The following KCND2 variants were observed in gnomAD, a reference collection of about 807,000 sequenced individuals.
The protein encoded by KCND2 is potassium voltage-gated channel subfamily D member 2, also known as A-type voltage-gated potassium channel KCND2.
Under a neutral mutation model 54.4 loss-of-function variants are expected in KCND2, and 16 were observed. The ratio of observed to expected loss-of-function variants is 0.29; its 90% CI spans 0.20 to 0.45. KCND2 has a LOEUF of 0.45. Ranked by LOEUF, KCND2 falls within the 20% of genes least tolerant of loss-of-function variation. The probability of loss-of-function intolerance (pLI) is 1.00; values close to 1 mark genes in which losing one functional copy is unlikely to be tolerated. For missense variants in KCND2, 486 were observed against 824.2 expected (o/e 0.59, Z 5.02); for synonymous variants, 317 against 310.7 (o/e 1.02, Z -0.21).
intron 1 of KCND2, among the ~76,000 whole-genome samples, chr7:120,306,340 C>G (rs1244579336): frequency 6.6e-6 from 1 of 151,902 alleles, no homozygotes; most frequent in Non-Finnish European, 1.5e-5. Flanking sequence ...TTCTTTAAAA[C>G]TGATATTTTT....
intron 1 of KCND2, among the ~76,000 whole-genome samples, chr7:120,464,568 T>A (rs896327679): frequency 1.3e-5 from 2 of 152,324 alleles, no homozygotes; most frequent in East Asian, 1.9e-4. Flanking sequence ...ATCCTCTACA[T>A]CAGAAGTCTG....
intron 1 of KCND2, among the ~76,000 whole-genome samples, chr7:120,568,595 A>G (rs1295430971): frequency 2.0e-5 from 3 of 152,178 alleles, no homozygotes; most frequent in African/African-American, 7.2e-5. Flanking sequence ...AAGTACAATT[A>G]ATAATCAGGA....
intron 1 of KCND2, among the ~76,000 whole-genome samples, chr7:120,334,381 A>C (rs1394295638): frequency 6.6e-6 from 1 of 152,204 alleles, no homozygotes; most frequent in African/African-American, 2.4e-5. Flanking sequence ...TTTTCCAAAA[A>C]TTTCAGTCTT....
intron 1 of KCND2, among the ~76,000 whole-genome samples, chr7:120,437,668 T>G (rs886436708): frequency 6.6e-6 from 1 of 152,206 alleles, no homozygotes; most frequent in African/African-American, 2.4e-5. Context: ...GCTAATGTAT[T>G]TATACATATG....
At chr7:120,381,281 T>C (rs2116026580) in intron 1 of KCND2, among the ~76,000 whole-genome samples, 1 of 152,080 alleles carries the variant, frequency 6.6e-6, no homozygotes, top group Non-Finnish European at 1.5e-5. Context: ...CAAATAAAGA[T>C]ATTTCTTACA....
At chr7:120,653,326 G>T (rs562405329) in intron 1 of KCND2, among the ~76,000 whole-genome samples, 6 of 151,694 alleles carry the variant, frequency 4.0e-5, no homozygotes, top group Non-Finnish European at 8.8e-5. Context: ...AATTATAGAT[G>T]CAGGCCACCA....
At chr7:120,291,686 A>G (rs1799437739) in intron 1 of KCND2, among the ~76,000 whole-genome samples, 1 of 151,894 alleles carries the variant, frequency 6.6e-6, no homozygotes, top group Non-Finnish European at 1.5e-5. Flanking sequence ...AAGACCTGTG[A>G]CTTTAAATCC....
Position 120,474,890 on chromosome 7 carries a change from T to C in KCND2, c.1115+199143T>C, listed in dbSNP as rs879493790. On this transcript the variant is annotated intron_variant, in intron 1 of 5. Coordinates refer to ENST00000331113, the MANE Select transcript of KCND2 (RefSeq NM_012281.3). ...TTCTTACCTCAAAGTTTTCAATTTT[T>C]TTTTTAAAGAGATGGAGTCTTGCTA... Among the ~76,000 whole-genome samples the C allele has an allele frequency of 2.0e-3, 299 of 152,288 alleles. 2 individuals carry two copies. The highest frequency in any genetic ancestry group is 3.7e-3 in the Non-Finnish European group (251 of 68,028).
intron 1 of KCND2, among the ~76,000 whole-genome samples, chr7:120,575,020 G>A (rs760908444): frequency 2.0e-5 from 3 of 151,724 alleles, no homozygotes; most frequent in Non-Finnish European, 1.5e-5. Flanking sequence ...AATAAACAAC[G>A]ACTCTTATAG....
intron 1 of KCND2, among the ~76,000 whole-genome samples, chr7:120,585,090 A>T (rs1792575856): frequency 6.6e-6 from 1 of 152,124 alleles, no homozygotes; most frequent in Non-Finnish European, 1.5e-5. Flanking sequence ...CCTGACACAC[A>T]CTTAGGTGTG....
intron 1 of KCND2, among the ~76,000 whole-genome samples, chr7:120,296,312 G>A (rs1799513553): frequency 6.6e-6 from 1 of 152,008 alleles, no homozygotes; most frequent in Admixed American, 6.6e-5. Flanking sequence ...ACTTCTAATT[G>A]TGACTTTTGT....
intron 1 of KCND2, among the ~76,000 whole-genome samples, chr7:120,668,164 C>T (rs532043914): frequency 1.3e-5 from 2 of 152,060 alleles, no homozygotes; most frequent in Admixed American, 6.5e-5. Context: ...CACCAGTGTG[C>T]TTATATTATC....
intron 1 of KCND2, among the ~76,000 whole-genome samples, chr7:120,513,049 T>G (rs1201309174): frequency 2.6e-5 from 4 of 152,042 alleles, no homozygotes; most frequent in Non-Finnish European, 4.4e-5. Flanking sequence ...ACCCACTGCC[T>G]CAGTCTACCA....
intron 1 of KCND2, among the ~76,000 whole-genome samples, chr7:120,541,711 G>C (rs531143878): frequency 6.6e-6 from 1 of 152,126 alleles, no homozygotes; most frequent in African/African-American, 2.4e-5. Context: ...AGCAGGAGGA[G>C]GATCTTGGTC....
At chr7:120,522,113 C>G (rs1167476415) in intron 1 of KCND2, among the ~76,000 whole-genome samples, 3 of 152,290 alleles carry the variant, frequency 2.0e-5, no homozygotes, top group African/African-American at 7.2e-5. Flanking sequence ...CTCTGGGCCT[C>G]CCTTTATGGT....
intron 1 of KCND2, among the ~76,000 whole-genome samples, chr7:120,466,426 G>C (rs188863599): frequency 6.6e-6 from 1 of 152,048 alleles, no homozygotes. Context: ...TTCTTTTATC[G>C]TTGGAGATCA....
intron 1 of KCND2, among the ~76,000 whole-genome samples, chr7:120,353,028 G>C (rs2116387540): frequency 6.6e-6 from 1 of 151,282 alleles, no homozygotes; most frequent in South Asian, 2.1e-4. Flanking sequence ...TATTAATTGT[G>C]TGCTAGATTT....
chr7:120,334,477 T>C (rs1800116315), intron 1 of KCND2, among the ~76,000 whole-genome samples: 1 of 152,236 alleles, frequency 6.6e-6, no homozygotes, highest in African/African-American at 2.4e-5. Flanking sequence ...AATATGTCCT[T>C]ACTAGAGTTG....
intron 1 of KCND2, among the ~76,000 whole-genome samples, chr7:120,561,511 G>GA (rs1175310957): frequency 6.7e-6 from 1 of 149,646 alleles, no homozygotes; most frequent in African/African-American, 2.4e-5. Context: ...CAGAAAGGTT[G>GA]AAAAACTTGC....
Sources: gnomAD v4.1 joint callset for allele counts (sites outside exome capture counted in the v4.1 genomes callset) on GRCh38, gnomAD v4.1.1 for gene constraint, MANE v1.5 for transcripts, NCBI Gene and HGNC (gene_info 2026-07-23, HGNC 2026-07-21) for gene names.